The following DCAF1 variants were observed in gnomAD, a reference collection of about 807,000 sequenced individuals.
DCAF1 encodes DDB1 and CUL4 associated factor 1.
A neutral mutation model predicts 128.0 loss-of-function variants in DCAF1; 15 were observed. The observed-to-expected ratio is 0.12, with a 90% CI of 0.08 to 0.18. The LOEUF (loss-of-function observed/expected upper bound fraction) is 0.18, where lower values mean the gene tolerates loss of function less well. Ranked by LOEUF, DCAF1 falls within the 10% of genes least tolerant of loss-of-function variation. DCAF1 has a pLI of 1.00. For missense variants in DCAF1, 988 were observed against 1,649.5 expected (o/e 0.60, Z 6.95); for synonymous variants, 610 against 603.0 (o/e 1.01, Z -0.17).
chr3:51,397,221 G>A (rs2089257455), downstream of DCAF1: 1 of 167,126 alleles, frequency 6.0e-6, no homozygotes, highest in South Asian at 2.1e-4. Flanking sequence ...AGAGACTATG[G>A]TCTTCTATTT....
At chr3:51,423,085 A>G (rs1237446935) in intron 13 of DCAF1, among the ~76,000 whole-genome samples, 1 of 152,064 alleles carries the variant, frequency 6.6e-6, no homozygotes, top group African/African-American at 2.4e-5. Context: ...AAAAAAAAAG[A>G]AAAATGAAAA....
chr3:51,445,750 A>G (rs1553640089), intron 6 of DCAF1, among the ~76,000 whole-genome samples: 1 of 152,174 alleles, frequency 6.6e-6, no homozygotes, highest in East Asian at 1.9e-4. Context: ...ATTTTTCCAA[A>G]GTGATTGCAA....
chr3:51,417,593 G>A (rs1159418851), intron 17 of DCAF1, among the ~76,000 whole-genome samples: 1 of 152,102 alleles, frequency 6.6e-6, no homozygotes, highest in Non-Finnish European at 1.5e-5. Context: ...GGTGGCGGGC[G>A]CCTCTAGTCC....
chr3:51,399,980 A>C (rs1345121338), intron 24 of DCAF1, among the ~76,000 whole-genome samples: 1 of 152,208 alleles, frequency 6.6e-6, no homozygotes, highest in African/African-American at 2.4e-5. Context: ...ACCTTCCTTC[A>C]TTCATTATCC....
chr3:51,495,239 G>A (rs979847401), intron 2 of DCAF1, among the ~76,000 whole-genome samples: 3 of 152,006 alleles, frequency 2.0e-5, no homozygotes, highest in Non-Finnish European at 4.4e-5. Flanking sequence ...CAGGAGAATC[G>A]CTTGAACCCG....
chr3:51,431,196 A>C (rs1700336190), intron 10 of DCAF1, among the ~76,000 whole-genome samples: 1 of 152,018 alleles, frequency 6.6e-6, no homozygotes, highest in African/African-American at 2.4e-5. Flanking sequence ...AAAACCACAT[A>C]CGTATGTGTA....
intron 2 of DCAF1, among the ~76,000 whole-genome samples, chr3:51,490,438 A>C (rs781902945): frequency 6.6e-6 from 1 of 152,178 alleles, no homozygotes; most frequent in Non-Finnish European, 1.5e-5. Flanking sequence ...CTCAACAACA[A>C]CAAAAAAGGC....
intron 6 of DCAF1, among the ~76,000 whole-genome samples, chr3:51,448,636 G>C (rs142386997): frequency 2.2e-4 from 33 of 152,286 alleles, no homozygotes; most frequent in African/African-American, 7.7e-4. Flanking sequence ...CCATTTTAAA[G>C]AGTATAATTC....
chr3:51,495,448 G>C (rs548284031), intron 2 of DCAF1, among the ~76,000 whole-genome samples: 1 of 152,252 alleles, frequency 6.6e-6, no homozygotes, highest in Non-Finnish European at 1.5e-5. Context: ...AGGGGTTTGA[G>C]ACCAGCCTGG....
At chr3:51,477,632 G>C (rs1040612436) in intron 3 of DCAF1, among the ~76,000 whole-genome samples, 3 of 151,976 alleles carry the variant, frequency 2.0e-5, no homozygotes, top group African/African-American at 7.2e-5. Flanking sequence ...ACCGGAATTG[G>C]AGTCAAAACC....
At chr3:51,475,604 G>A (rs948443392) in intron 3 of DCAF1, among the ~76,000 whole-genome samples, 7 of 151,798 alleles carry the variant, frequency 4.6e-5, no homozygotes, top group East Asian at 1.9e-4. Flanking sequence ...GCTTACGCCC[G>A]TAATCCCAGC....
At chr3:51,441,943 G>A in intron 7 of DCAF1, 46 bp from the exon 8 acceptor site, 2 of 1,533,108 alleles carry the variant, frequency 1.3e-6, no homozygotes, top group Non-Finnish European at 1.7e-6. Flanking sequence ...CTTTATTAAG[G>A]ATTAAGTAAT....
intron 3 of DCAF1, among the ~76,000 whole-genome samples, chr3:51,478,061 T>C (rs148747973): frequency 2.4e-4 from 36 of 152,218 alleles, no homozygotes; most frequent in Non-Finnish European, 4.3e-4. Flanking sequence ...TGGAGTGTAG[T>C]GGCACAATCT....
chr3:51,480,952 A>C (rs1416815945), intron 3 of DCAF1, among the ~76,000 whole-genome samples: 3 of 152,126 alleles, frequency 2.0e-5, no homozygotes, highest in Non-Finnish European at 4.4e-5. Context: ...CCTGGTACTT[A>C]ATAACTGTGT....
intron 9 of DCAF1, among the ~76,000 whole-genome samples, chr3:51,434,558 C>G (rs1700653106): frequency 6.6e-6 from 1 of 152,200 alleles, no homozygotes. Flanking sequence ...TGCTAACTTT[C>G]CCATTTTAAT....
At chr3:51,495,871 T>C (rs1216856843) in intron 2 of DCAF1, among the ~76,000 whole-genome samples, 1 of 152,040 alleles carries the variant, frequency 6.6e-6, no homozygotes, top group African/African-American at 2.4e-5. Context: ...CTGCAACCTG[T>C]AGTCCCAGCT....
chr3:51,400,005 C>G (rs1298544310), intron 24 of DCAF1, among the ~76,000 whole-genome samples: 1 of 152,170 alleles, frequency 6.6e-6, no homozygotes, highest in Non-Finnish European at 1.5e-5. Context: ...ACACAACTTC[C>G]TTTAGGAGGA....
At chr3:51,450,382 A>C (rs1190528178) in intron 6 of DCAF1, among the ~76,000 whole-genome samples, 1 of 152,226 alleles carries the variant, frequency 6.6e-6, no homozygotes, top group Non-Finnish European at 1.5e-5. Flanking sequence ...AATACTAGGA[A>C]AATGAATTCA....
At position 51,430,272 on chromosome 3, in the gene DCAF1, A is replaced by G. The variant is rs904029314; in HGVS notation, c.1288-60T>C. ...ATTGTGGGCAAAGGAGCCCTTGAACAGGATGGAAAATTTGCCAGTATAGAT... is the reference window on the plus strand; with the variant it reads ...ATTGTGGGCAAAGGAGCCCTTGAACGGGATGGAAAATTTGCCAGTATAGAT... On this transcript the variant is annotated intron_variant, in intron 10 of 24. Coordinates refer to ENST00000684031, the MANE Select transcript of DCAF1 (RefSeq NM_001387579.1). 5 of 725,182 alleles carry G rather than the reference A, an allele frequency of 6.9e-6. No individual in the cohort carries two copies. The African/African-American group carries it at 8.7e-5, about 13-fold the overall frequency. The allele number at this position is 725,182 out of a possible 1,614,324, so 44.9% of individuals were successfully genotyped here.
Sources: allele counts gnomAD v4.1 joint callset (sites outside exome capture counted in the v4.1 genomes callset), GRCh38; gene constraint gnomAD v4.1.1; transcripts MANE v1.5; gene names NCBI Gene and HGNC (gene_info 2026-07-23, HGNC 2026-07-21).